NFAT5: variants seen among roughly 807,000 people sequenced by gnomAD.
NFAT5 encodes the protein nuclear factor of activated T-cells 5.
In NFAT5, 31 loss-of-function variants were observed where a neutral mutation model predicts 166.5. The ratio of observed to expected loss-of-function variants is 0.19; its 90% CI spans 0.14 to 0.25. NFAT5 has a LOEUF of 0.25. Ranked by LOEUF, NFAT5 falls within the 10% of genes least tolerant of loss-of-function variation. The probability of loss-of-function intolerance (pLI) is 1.00; values close to 1 mark genes in which losing one functional copy is unlikely to be tolerated. For synonymous variants in NFAT5, 612 were observed against 639.7 expected, an observed-to-expected ratio of 0.96 and a Z score of 0.65; for missense variants, 1,449 against 1,821.8, an observed-to-expected ratio of 0.80 and a Z score of 3.72.
intron 2 of NFAT5, among the ~76,000 whole-genome samples, chr16:69,573,878 T>C (rs1425874678): frequency 1.3e-5 from 2 of 150,218 alleles, no homozygotes; most frequent in Non-Finnish European, 3.0e-5. Flanking sequence ...ACTTTTTTTT[T>C]TTTTTTTTTT....
Position 69,677,220 on chromosome 16 carries a change from G to C in NFAT5, c.1575G>C (p.Lys525Asn). 2 of 1,606,342 alleles carry C rather than the reference G, an allele frequency of 1.2e-6. No individual in the cohort carries two copies. The highest frequency in any genetic ancestry group is 1.7e-6 in the Non-Finnish European group (2 of 1,178,060). The change falls in exon 10 of 15, where the codon AAG becomes AAC. Residue 525 changes from lysine to asparagine, a missense_variant. By Grantham distance (94) the Lys-to-Asn change is moderately conservative (BLOSUM62 0). Coordinates refer to ENST00000349945, the MANE Select transcript of NFAT5 (RefSeq NM_138713.4). Reference protein sequence around the residue: ...ELFHQNHLIVKVPPYHDQHIT... With the variant: ...ELFHQNHLIVNVPPYHDQHIT... Reference sequence around the variant, plus strand: ...TACATTAGAATCATCTTATTGTGAAGGTTCCTCCCTATCATGACCAACATA... The same window carrying C: ...TACATTAGAATCATCTTATTGTGAACGTTCCTCCCTATCATGACCAACATA...
At chr16:69,665,493 A>G (rs1437128488) in intron 7 of NFAT5, among the ~76,000 whole-genome samples, 1 of 68,300 alleles carries the variant, frequency 1.5e-5, no homozygotes, top group Non-Finnish European at 2.8e-5. Context: ...AAATCAATGT[A>G]CAAAAATCAC....
rs1477242152 is a variant in NFAT5, at chr16:69,655,741, A to C, written c.1138A>C (p.Ile380Leu). 6.2e-7 allele frequency: 1 copy of C among 1,614,004 alleles called. No homozygotes were observed. The highest frequency in any genetic ancestry group is 1.1e-5 in the South Asian group (1 of 91,066). ...RNTTPCKEVD[I>L]EGTTVIEVGL... ...TACAACTCCTTGCAAAGAAGTGGAC[A>C]TTGAAGGCACTACTGTTATAGAAGT... Residue 380 changes from isoleucine (I) to leucine (L), a missense_variant, in exon 6 of 15, where the codon ATT (isoleucine) becomes CTT (leucine). Ile to Leu is a conservative substitution (Grantham distance 5, BLOSUM62 2). Coordinates refer to ENST00000349945, the MANE Select transcript of NFAT5 (RefSeq NM_138713.4).
In NFAT5 at chr16:69,636,484, G is replaced by A. The variant is rs548158957; in HGVS notation, c.253+9956G>A. On this transcript the variant is annotated intron_variant, in intron 3 of 14. Transcript: ENST00000349945. ...TGCTTTGCCCTAGCAGAGGTTCTCC[G>A]TGAGGGCCCCACCCCTGCAGAAAAC... 2.4e-4 allele frequency among the ~76,000 whole-genome samples: 36 copies of A among 152,276 alleles called. No homozygotes were observed. In the East Asian group the frequency reaches 3.5e-3, roughly 15 times the overall value.
Position 69,694,069 on chromosome 16 carries a change from C to G in NFAT5, c.4244C>G (p.Pro1415Arg), listed in dbSNP as rs1225190008. The change falls in exon 13 of 15, where the codon CCT becomes CGT. Residue 1415 changes from proline to arginine, a missense_variant. By Grantham distance (103) the Pro-to-Arg change is moderately radical. Coordinates refer to ENST00000349945, the MANE Select transcript of NFAT5 (RefSeq NM_138713.4). ...AATCAACAAGATATGCAACAGTCTC[C>G]TCTTTATTCCCCTCAGAACAACATG... ...SINQQDMQQS[P>R]LYSPQNNMPG... 1.2e-5 allele frequency: 19 copies of G among 1,614,186 alleles called. No individual in the cohort carries two copies. Among genetic ancestry groups the G allele is most frequent in the Non-Finnish European group, 1.5e-5 (18 of 1,180,026 alleles).
At chr16:69,616,549 C>T (rs1349686775) in intron 2 of NFAT5, among the ~76,000 whole-genome samples, 1 of 151,978 alleles carries the variant, frequency 6.6e-6, no homozygotes, top group African/African-American at 2.4e-5. Context: ...TTTGGGTTCC[C>T]ACCTCCCACC....
chr16:69,640,811 G>T (rs2151608639), intron 3 of NFAT5, among the ~76,000 whole-genome samples: 1 of 151,926 alleles, frequency 6.6e-6, no homozygotes, highest in East Asian at 1.9e-4. Context: ...GTGAAACCCT[G>T]TCTCTACTAA....
At chr16:69,638,388 T>C (rs1046515331) in intron 3 of NFAT5, among the ~76,000 whole-genome samples, 10 of 152,084 alleles carry the variant, frequency 6.6e-5, no homozygotes, top group African/African-American at 2.4e-4. Flanking sequence ...ATCAGAAGTT[T>C]TTAATGATGC....
rs1180489942 is a variant in NFAT5 at position 69,584,232 on chromosome 16, A to T, written c.127+15684A>T. 2.0e-5 allele frequency among the ~76,000 whole-genome samples: 3 copies of T among 152,166 alleles called. No individual in the cohort carries two copies. In the East Asian group the frequency reaches 5.8e-4, roughly 29 times the overall value. On this transcript the variant is annotated intron_variant, in intron 2 of 14. Coordinates refer to ENST00000349945, the MANE Select transcript of NFAT5 (RefSeq NM_138713.4). ...TACAGCAAGACTCTGTCTCAAAAAC[A>T]AAATAATAATAATTGGAACTATTTA...
At chr16:69,578,080 A>G (rs1455931043) in intron 2 of NFAT5, among the ~76,000 whole-genome samples, 1 of 152,134 alleles carries the variant, frequency 6.6e-6, no homozygotes, top group South Asian at 2.1e-4. Flanking sequence ...TGTAACAGCT[A>G]TTTATGTAGC....
At chr16:69,572,092 A>G (rs925135001) in intron 2 of NFAT5, among the ~76,000 whole-genome samples, 4 of 152,190 alleles carry the variant, frequency 2.6e-5, no homozygotes, top group African/African-American at 9.7e-5. Context: ...CTTTAGAAGT[A>G]GATTCAAAAT....
At chr16:69,568,413 T>G in intron 1 of NFAT5, 82 bp from the exon 2 acceptor site, 1 of 741,252 alleles carries the variant, frequency 1.3e-6, no homozygotes, top group Non-Finnish European at 2.2e-6. Flanking sequence ...CACATTGCAG[T>G]TATATAAGAG....
In NFAT5 at chr16:69,566,162, T is replaced by A. The variant is rs1213299995; in HGVS notation, c.-140T>A. On this transcript the variant is annotated 5_prime_UTR_variant, in exon 1 of 15. Coordinates refer to ENST00000349945, the MANE Select transcript of NFAT5 (RefSeq NM_138713.4). The surrounding 1 kb of genome is among the most constrained non-coding windows in gnomAD (Gnocchi z 5.7). ...CGGTCCTCGGCCCAGTGGAAGTCAC[T>A]ACCCTCGAGGAGGAGGCAGCGGCAG... 1 of 652,796 alleles carries A rather than the reference T, an allele frequency of 1.5e-6. No individual in the cohort carries two copies. Among genetic ancestry groups the A allele is most frequent in the African/African-American group, 1.9e-5 (1 of 51,976 alleles). 40.4% of individuals were successfully genotyped at this position (652,796 alleles called of 1,614,324 possible). A position where few individuals can be genotyped will look rare whatever the true frequency, so the allele number is the denominator to read the frequency against.
At chr16:69,671,396 C>T (rs1360928959) in intron 9 of NFAT5, among the ~76,000 whole-genome samples, 1 of 152,158 alleles carries the variant, frequency 6.6e-6, no homozygotes, top group Admixed American at 6.6e-5. Context: ...TCTTTTAAGA[C>T]AGTCTTGCTC....
At chr16:69,661,539 T>TAAAAAAA (rs1037382239) in intron 7 of NFAT5, among the ~76,000 whole-genome samples, 527 of 37,894 alleles carry the variant, frequency 0.014, 27 homozygotes, top group East Asian at 0.02. Context: ...CCCAGTCTCT[T>TAAAAAAA]AAAAAAAAAA....
intron 7 of NFAT5, among the ~76,000 whole-genome samples, chr16:69,669,673 A>G (rs900736573): frequency 3.3e-5 from 5 of 152,254 alleles, no homozygotes; most frequent in Non-Finnish European, 5.9e-5. Flanking sequence ...AAAAGAAGAC[A>G]ACAAAACAAA....
At chr16:69,689,159 C>A (rs1008289951) in intron 11 of NFAT5, among the ~76,000 whole-genome samples, 4 of 152,084 alleles carry the variant, frequency 2.6e-5, no homozygotes, top group African/African-American at 9.7e-5. Flanking sequence ...TGCCTGTAGT[C>A]CCAGCTACTT....
intron 2 of NFAT5, among the ~76,000 whole-genome samples, chr16:69,592,360 G>A (rs1202172313): frequency 2.0e-5 from 3 of 152,078 alleles, no homozygotes; most frequent in Non-Finnish European, 2.9e-5. Flanking sequence ...GATTACAGGC[G>A]TGAGCACCAT....
intron 10 of NFAT5, among the ~76,000 whole-genome samples, chr16:69,678,254 GC>G (rs1567600348): frequency 2.0e-5 from 3 of 150,880 alleles, no homozygotes; most frequent in African/African-American, 4.9e-5. Context: ...TCGCTGTGTC[GC>G]CCAGGCTGGA....
Sources: gnomAD v4.1 joint callset for allele counts (sites outside exome capture counted in the v4.1 genomes callset) on GRCh38, gnomAD v4.1.1 for gene constraint, Gnocchi (gnomAD v3.1) non-coding constraint, MANE v1.5 for transcripts, NCBI Gene and HGNC (gene_info 2026-07-23, HGNC 2026-07-21) for gene names.